The following CYRIB variants were observed in gnomAD, a reference collection of about 807,000 sequenced individuals.
The protein encoded by CYRIB is CYFIP-related Rac1 interactor B.
A neutral mutation model predicts 44.2 loss-of-function variants in CYRIB; 8 were observed. The observed-to-expected ratio is 0.18, with a 90% CI of 0.11 to 0.33. CYRIB has a LOEUF of 0.33. CYRIB is among the 10% of genes least tolerant of loss of function. CYRIB has a pLI of 1.00. For synonymous variants in CYRIB, 131 were observed against 127.2 expected (o/e 1.03, Z -0.20); for missense variants, 185 against 382.8 (o/e 0.48, Z 4.31).
intron 3 of CYRIB, among the ~76,000 whole-genome samples, chr8:129,874,277 G>A (rs1323560052): frequency 1.3e-5 from 2 of 151,802 alleles, no homozygotes; most frequent in Non-Finnish European, 2.9e-5. Flanking sequence ...GCTGTTCAAG[G>A]GAAATTAAGG....
At position 130,006,348 on chromosome 8, in the gene CYRIB, G is replaced by C. The variant is rs182824461; in HGVS notation, c.-296+10022C>G. Reference sequence around the variant, plus strand: ...AGAATCTGGCTTGCCGGGTACAGTGGTGTGCACCTATAGTCCCATCTACTT... The same window carrying C: ...AGAATCTGGCTTGCCGGGTACAGTGCTGTGCACCTATAGTCCCATCTACTT... On this transcript the variant is annotated intron_variant, in intron 1 of 14. Transcript: ENST00000401979. 3.5e-4 allele frequency among the ~76,000 whole-genome samples: 53 copies of C among 150,704 alleles called. No individual in the cohort carries two copies. The South Asian group carries it at 8.3e-3, about 24-fold the overall frequency.
At chr8:129,908,986 C>T (rs990401539) in intron 1 of CYRIB, among the ~76,000 whole-genome samples, 15 of 151,954 alleles carry the variant, frequency 9.9e-5, no homozygotes, top group Non-Finnish European at 1.5e-4. Flanking sequence ...GAGATGGAGT[C>T]TTGCTATGTT....
chr8:129,955,229 G>A (rs1056671645), intron 2 of CYRIB, among the ~76,000 whole-genome samples: 1 of 147,886 alleles, frequency 6.8e-6, no homozygotes, highest in Admixed American at 6.9e-5. Flanking sequence ...CTCCAGCCTG[G>A]GTGACAGAAC....
upstream of CYRIB, chr8:129,939,925 C>CG (rs1385311881): frequency 1.1e-4 from 17 of 152,200 alleles, no homozygotes; most frequent in African/African-American, 4.1e-4. Flanking sequence ...CAAGGTAAAT[C>CG]CTTAGCCTAT....
Position 129,849,241 on chromosome 8 carries a change from AC to A in CYRIB, c.840+1del. On this transcript the variant is annotated splice_donor_variant, in intron 10 of 11. Transcript: ENST00000519824. LOFTEE classifies it high-confidence loss of function. The stretch of plus-strand genomic sequence containing the variant: ...AATTATTTATATAAAACAATAACTT[AC>A]ATCAATTTTGGAAGTTTTAGCAAAT... 6.3e-7 allele frequency: 1 copy of A among 1,590,782 alleles called. No individual in the cohort carries two copies. Among genetic ancestry groups the A allele is most frequent in the Non-Finnish European group, 8.5e-7 (1 of 1,173,550 alleles).
chr8:129,999,269 C>T (rs1366454330), intron 1 of CYRIB, among the ~76,000 whole-genome samples: 2 of 152,142 alleles, frequency 1.3e-5, no homozygotes, highest in African/African-American at 2.4e-5. Flanking sequence ...GGGGAGGAGC[C>T]GACCTTAGTC....
rs143136719 is a variant in CYRIB at position 129,870,027 on chromosome 8, G to A, written c.195+1348C>T. ...AAAAAATGAAAGGAAGGTCATTCCA[G>A]ACAAAAACAAAGGAAGGGTGCATAT... On this transcript the variant is annotated intron_variant, in intron 4 of 11. Coordinates refer to ENST00000519824, the Ensembl canonical transcript of CYRIB. Among the ~76,000 whole-genome samples, 8 of 152,216 alleles carry A rather than the reference G, an allele frequency of 5.3e-5. No individual in the cohort carries two copies. The East Asian group carries it at 1.3e-3, about 26-fold the overall frequency.
intron 1 of CYRIB, among the ~76,000 whole-genome samples, chr8:129,917,742 A>G (rs1327488923): frequency 1.3e-5 from 2 of 152,098 alleles, no homozygotes. Flanking sequence ...CTGTAACCCC[A>G]GCTACTCAGG....
At chr8:129,937,747 A>G (rs2093064955) in intron 1 of CYRIB, among the ~76,000 whole-genome samples, 1 of 152,212 alleles carries the variant, frequency 6.6e-6, no homozygotes, top group Non-Finnish European at 1.5e-5. Context: ...CCAATTATAT[A>G]ATCTAGAATT....
intron 3 of CYRIB, among the ~76,000 whole-genome samples, chr8:129,874,566 A>C (rs555391947): frequency 6.6e-6 from 1 of 152,226 alleles, no homozygotes; most frequent in Non-Finnish European, 1.5e-5. Flanking sequence ...CAGAGACCAG[A>C]ATGTACAGTA....
intron 3 of CYRIB, among the ~76,000 whole-genome samples, chr8:129,876,401 C>T (rs569120483): frequency 6.6e-6 from 1 of 152,154 alleles, no homozygotes; most frequent in East Asian, 1.9e-4. Flanking sequence ...TATGAGCTTT[C>T]GTGTCTATCC....
chr8:129,961,067 A>G (rs1233315244), intron 2 of CYRIB, among the ~76,000 whole-genome samples: 1 of 152,154 alleles, frequency 6.6e-6, no homozygotes, highest in African/African-American at 2.4e-5. Context: ...AAGGAGGGTC[A>G]AGAGGAAGCC....
Position 129,869,305 on chromosome 8 carries a change from C to T in CYRIB, c.195+2070G>A, listed in dbSNP as rs2055805212. ...GGAGGCTGAGGCAGAATTGCTTGAA[C>T]CTGGGAGGTGGAGGTTGCTGAGCCG... On this transcript the variant is annotated intron_variant, in intron 4 of 11. Coordinates refer to ENST00000519824, the Ensembl canonical transcript of CYRIB. Among the ~76,000 whole-genome samples the T allele has an allele frequency of 2.7e-5, 4 of 149,486 alleles. No individual in the cohort carries two copies. The South Asian group carries it at 8.5e-4, about 32-fold the overall frequency.
chr8:129,864,823 G>A, intron 4 of CYRIB: 1 of 442,966 alleles, frequency 2.3e-6, no homozygotes, highest in South Asian at 1.7e-5. Context: ...GGTTGGTGAA[G>A]ATTCCACGTA....
At chr8:129,944,792 A>C (rs1433764379), upstream of CYRIB, among the ~76,000 whole-genome samples, 1 of 151,958 alleles carries the variant, frequency 6.6e-6, no homozygotes, top group Non-Finnish European at 1.5e-5. Context: ...CAAAAAAAAA[A>C]ACAAAAACAA....
At chr8:129,988,203 CTT>C (rs1412870985) in intron 1 of CYRIB, among the ~76,000 whole-genome samples, 5 of 152,220 alleles carry the variant, frequency 3.3e-5, no homozygotes, top group Admixed American at 6.5e-5. Flanking sequence ...CGGATGGCCT[CTT>C]TCTCGATCTT....
Position 129,848,069 on chromosome 8 carries a change from G to A in CYRIB, c.840+1174C>T, listed in dbSNP as rs141102936. 8.7e-4 allele frequency among the ~76,000 whole-genome samples: 132 copies of A among 152,244 alleles called. 1 individual carries two copies. Among genetic ancestry groups the A allele is most frequent in the African/African-American group, 3.1e-3 (128 of 41,540 alleles). The stretch of plus-strand genomic sequence containing the variant: ...GATCCGCCTGCCTCGGCCTGCCAAA[G>A]TGCTGGGATTACAGGCATAAACCAC... On this transcript the variant is annotated intron_variant, in intron 10 of 11. Coordinates refer to ENST00000519824, the Ensembl canonical transcript of CYRIB.
At chr8:129,897,865 A>C (rs1012138027) in intron 2 of CYRIB, among the ~76,000 whole-genome samples, 9 of 152,034 alleles carry the variant, frequency 5.9e-5, no homozygotes, top group African/African-American at 2.2e-4. Context: ...TCCTGGGTTC[A>C]AGTGATTCTC....
intron 1 of CYRIB, among the ~76,000 whole-genome samples, chr8:129,911,841 C>T (rs2078208445): frequency 6.6e-6 from 1 of 152,080 alleles, no homozygotes; most frequent in Admixed American, 6.5e-5. Flanking sequence ...AATATCTTGC[C>T]CTGATTACTG....
Sources: allele counts gnomAD v4.1 joint callset (sites outside exome capture counted in the v4.1 genomes callset), GRCh38; gene constraint gnomAD v4.1.1; transcripts MANE v1.5; gene names NCBI Gene and HGNC (gene_info 2026-07-23, HGNC 2026-07-21).